The following NOS1AP variants were observed in gnomAD, a reference collection of about 807,000 sequenced individuals.
NOS1AP encodes the protein nitric oxide synthase 1 adaptor protein, also known as carboxyl-terminal PDZ ligand of neuronal nitric oxide synthase protein.
A neutral mutation model predicts 56.2 loss-of-function variants in NOS1AP; 21 were observed. That is an observed-to-expected ratio of 0.37 (90% CI 0.26 to 0.54). The LOEUF (loss-of-function observed/expected upper bound fraction) is 0.54. Among genes scored for constraint, NOS1AP ranks in the 20% least tolerant of loss-of-function variants. NOS1AP has a pLI of 0.84. For synonymous variants in NOS1AP, 270 were observed against 274.6 expected (o/e 0.98, Z 0.17); for missense variants, 522 against 657.8 (o/e 0.79, Z 2.26).
At chr1:162,168,117 T>C (rs948077066) in intron 2 of NOS1AP, among the ~76,000 whole-genome samples, 8 of 152,168 alleles carry the variant, frequency 5.3e-5, no homozygotes, top group Non-Finnish European at 1.0e-4. Context: ...ATAATTACTT[T>C]ATGAAGAGGA....
chr1:162,117,280 G>A lies in NOS1AP; in HGVS notation c.106-37125G>A, dbSNP rs149813469. 3.9e-3 allele frequency among the ~76,000 whole-genome samples: 592 copies of A among 152,288 alleles called. 8 individuals are homozygous for A. Among genetic ancestry groups the A allele is most frequent in the African/African-American group, 0.014 (566 of 41,556 alleles). ...TGTCTTTATCAGATTAATGTCAGGT[G>A]GTAGCAGCTAGATTCATCTGTGGAT... is the stretch of plus-strand genomic sequence containing the variant. On this transcript the variant is annotated intron_variant, in intron 1 of 9. Coordinates refer to ENST00000361897, the MANE Select transcript of NOS1AP (RefSeq NM_014697.3).
At chr1:162,300,570 T>C in intron 3 of NOS1AP, 63 bp from the exon 4 acceptor site, 1 of 1,388,998 alleles carries the variant, frequency 7.2e-7, no homozygotes. Context: ...TGCATAAGTA[T>C]GCATAGCTCA....
At chr1:162,334,146 A>C (rs920599651) in intron 5 of NOS1AP, among the ~76,000 whole-genome samples, 2 of 152,150 alleles carry the variant, frequency 1.3e-5, no homozygotes, top group African/African-American at 4.8e-5. Context: ...GTCCAGATTT[A>C]CTGATGGGTG....
chr1:162,087,351 TGC>T (rs1361447081), intron 1 of NOS1AP, among the ~76,000 whole-genome samples: 15 of 152,178 alleles, frequency 9.9e-5, no homozygotes, highest in African/African-American at 3.4e-4. Flanking sequence ...GCATTGGATG[TGC>T]CATGTGGGAG....
At chr1:162,201,263 A>G (rs1214953024) in intron 2 of NOS1AP, among the ~76,000 whole-genome samples, 1 of 152,160 alleles carries the variant, frequency 6.6e-6, no homozygotes, top group African/African-American at 2.4e-5. Context: ...GCTGCATAGT[A>G]TTCCATGGTG....
At chr1:162,075,736 C>T (rs1314569851) in intron 1 of NOS1AP, among the ~76,000 whole-genome samples, 2 of 151,630 alleles carry the variant, frequency 1.3e-5, no homozygotes, top group African/African-American at 4.8e-5. Context: ...TATGCTTTTC[C>T]AGATGCTTTT....
At chr1:162,366,154 G>A (rs925918372) in intron 9 of NOS1AP, among the ~76,000 whole-genome samples, 1 of 152,150 alleles carries the variant, frequency 6.6e-6, no homozygotes, top group Non-Finnish European at 1.5e-5. Flanking sequence ...AGTACCCCTG[G>A]GCTGGGCTGG....
chr1:162,246,027 T>C (rs1653649042), intron 2 of NOS1AP, among the ~76,000 whole-genome samples: 1 of 152,178 alleles, frequency 6.6e-6, no homozygotes, highest in Non-Finnish European at 1.5e-5. Flanking sequence ...CTCCTAAAGA[T>C]GGCAGGCCAG....
intron 1 of NOS1AP, among the ~76,000 whole-genome samples, chr1:162,071,873 A>T (rs892103911): frequency 2.0e-5 from 3 of 152,162 alleles, no homozygotes; most frequent in African/African-American, 7.2e-5. Context: ...TTTTACAAGT[A>T]AGAGGGTAAG....
At chr1:162,332,888 AAGAAGACTT>A (rs1485710431) in intron 4 of NOS1AP, 120 bp from the exon 5 acceptor site, 1 of 727,544 alleles carries the variant, frequency 1.4e-6, no homozygotes, top group African/African-American at 1.7e-5. Flanking sequence ...ATCCTGAAGG[AAGAAGACTT>A]TCTGTAATAA....
chr1:162,300,765 A>G, intron 4 of NOS1AP, 59 bp downstream of exon 4: 1 of 1,457,536 alleles, frequency 6.9e-7, no homozygotes, highest in East Asian at 2.3e-5. Context: ...CCTGCCCCCT[A>G]CAGCCACCTG....
intron 2 of NOS1AP, among the ~76,000 whole-genome samples, chr1:162,272,772 G>A (rs916322033): frequency 9.2e-5 from 14 of 152,184 alleles, no homozygotes; most frequent in Non-Finnish European, 1.5e-4. Context: ...AGCTGAGACT[G>A]GGGTGAGACT....
intron 1 of NOS1AP, among the ~76,000 whole-genome samples, chr1:162,145,883 C>A (rs1274112275): frequency 6.6e-6 from 1 of 152,092 alleles, no homozygotes; most frequent in Non-Finnish European, 1.5e-5. Flanking sequence ...CATTTGGGAC[C>A]CCCAAGGGAG....
At chr1:162,338,242 G>A (rs1657002708) in intron 5 of NOS1AP, among the ~76,000 whole-genome samples, 1 of 152,140 alleles carries the variant, frequency 6.6e-6, no homozygotes, top group Non-Finnish European at 1.5e-5. Context: ...CAAAAGAGAT[G>A]GGGGAGAGGG....
intron 2 of NOS1AP, among the ~76,000 whole-genome samples, chr1:162,213,616 T>C (rs987814350): frequency 2.6e-5 from 4 of 152,228 alleles, no homozygotes; most frequent in Non-Finnish European, 5.9e-5. Flanking sequence ...TTTTAAGTTC[T>C]CCTCTGGATG....
intron 1 of NOS1AP, among the ~76,000 whole-genome samples, chr1:162,079,391 T>G (rs528846325): frequency 6.6e-5 from 10 of 152,204 alleles, no homozygotes; most frequent in Non-Finnish European, 1.5e-4. Context: ...TGAATTGATG[T>G]CTTTTTTTTT....
intron 8 of NOS1AP, chr1:162,365,036 C>T: frequency 2.5e-5 from 28 of 1,134,444 alleles, no homozygotes; most frequent in Non-Finnish European, 2.9e-5. Flanking sequence ...AAGGAGTTCT[C>T]TAAGCAGGGA....
At chr1:162,153,788 G>A (rs1472287174) in intron 1 of NOS1AP, among the ~76,000 whole-genome samples, 1 of 152,088 alleles carries the variant, frequency 6.6e-6, no homozygotes, top group Non-Finnish European at 1.5e-5. Flanking sequence ...GCATATTTCT[G>A]CATTATTTGA....
chr1:162,332,353 T>C (rs1196140401), intron 4 of NOS1AP, among the ~76,000 whole-genome samples: 1 of 152,184 alleles, frequency 6.6e-6, no homozygotes, highest in African/African-American at 2.4e-5. Context: ...ACTTATTTTA[T>C]ATTTGCTTAT....
Sources: gnomAD v4.1 joint callset for allele counts (sites outside exome capture counted in the v4.1 genomes callset) on GRCh38, gnomAD v4.1.1 for gene constraint, MANE v1.5 for transcripts, NCBI Gene and HGNC (gene_info 2026-07-23, HGNC 2026-07-21) for gene names.